Variants in KAZN observed in about 807,000 individuals in gnomAD.
KAZN encodes kazrin.
In KAZN, 40 loss-of-function variants were observed where a neutral mutation model predicts 87.4. The ratio of observed to expected loss-of-function variants is 0.46; its 90% CI spans 0.36 to 0.60. The LOEUF (loss-of-function observed/expected upper bound fraction) is 0.60, where lower values mean the gene tolerates loss of function less well. KAZN is among the 20% of genes least tolerant of loss of function. The pLI, the probability that KAZN is intolerant of heterozygous loss-of-function variation, is 0.00. For missense variants in KAZN, 898 were observed against 1,073.9 expected (o/e 0.84, Z 2.29); for synonymous variants, 466 against 458.3 (o/e 1.02, Z -0.22).
chr1:14,710,198 C>T (rs10803304), intron 1 of KAZN, among the ~76,000 whole-genome samples: 58,234 of 151,966 alleles, frequency 0.38, 11,994 homozygotes, highest in South Asian at 0.53. Context: ...AAAGGCTGGT[C>T]TCTGAGAGCA....
intron 1 of KAZN, among the ~76,000 whole-genome samples, chr1:14,618,788 A>G (rs1306245831): frequency 6.6e-6 from 1 of 152,216 alleles, no homozygotes; most frequent in African/African-American, 2.4e-5. Flanking sequence ...TGACAAGTAC[A>G]GTGATAGTAG....
chr1:15,018,394 C>T (rs1670337796), intron 2 of KAZN, among the ~76,000 whole-genome samples: 1 of 152,014 alleles, frequency 6.6e-6, no homozygotes, highest in Admixed American at 6.6e-5. Context: ...AGCTCCAGGG[C>T]CCTGGCTGGG....
intron 1 of KAZN, among the ~76,000 whole-genome samples, chr1:14,632,040 G>A (rs1236280097): frequency 2.0e-5 from 3 of 152,188 alleles, no homozygotes; most frequent in Non-Finnish European, 4.4e-5. Context: ...AAACTGCTAA[G>A]TTTTTAAAAA....
At chr1:14,242,415 C>A (rs140030437) in intron 2 of KAZN, among the ~76,000 whole-genome samples, 8 of 152,120 alleles carry the variant, frequency 5.3e-5, no homozygotes, top group African/African-American at 1.7e-4. Flanking sequence ...GACCTTCCAG[C>A]AAATGTGCTC....
intron 2 of KAZN, among the ~76,000 whole-genome samples, chr1:14,226,156 A>G (rs1297952551): frequency 6.6e-6 from 1 of 152,232 alleles, no homozygotes; most frequent in Non-Finnish European, 1.5e-5. Flanking sequence ...CAAACTATGC[A>G]TCTGACGAAG....
intron 1 of KAZN, among the ~76,000 whole-genome samples, chr1:14,174,231 C>T (rs577488374): frequency 3.9e-5 from 6 of 152,174 alleles, no homozygotes; most frequent in African/African-American, 7.2e-5. Flanking sequence ...ATGCTTTGAC[C>T]GGCTGGCAAG....
At chr1:14,367,792 G>A (rs184135427) in intron 2 of KAZN, among the ~76,000 whole-genome samples, 1 of 152,228 alleles carries the variant, frequency 6.6e-6, no homozygotes, top group African/African-American at 2.4e-5. Flanking sequence ...GGGAGTCCAG[G>A]GAGACTCCTG....
At chr1:14,498,765 G>A (rs541347803) in intron 2 of KAZN, among the ~76,000 whole-genome samples, 3 of 152,110 alleles carry the variant, frequency 2.0e-5, no homozygotes, top group African/African-American at 7.2e-5. Context: ...AGGAGTCTGG[G>A]TACTTATTCT....
At chr1:14,660,466 T>C (rs933733172) in intron 1 of KAZN, among the ~76,000 whole-genome samples, 1 of 151,916 alleles carries the variant, frequency 6.6e-6, no homozygotes, top group Admixed American at 6.6e-5. Flanking sequence ...TCATCACAGA[T>C]CTTTTGCACC....
At chr1:14,553,118 T>C (rs553050642) in intron 2 of KAZN, among the ~76,000 whole-genome samples, 25 of 152,276 alleles carry the variant, frequency 1.6e-4, no homozygotes, top group African/African-American at 6.0e-4. Flanking sequence ...CTCATGCCTG[T>C]AGTCCTAACA....
chr1:14,756,557 AT>A (rs762524162), intron 1 of KAZN, among the ~76,000 whole-genome samples: 6 of 152,192 alleles, frequency 3.9e-5, no homozygotes, highest in Non-Finnish European at 7.4e-5. Flanking sequence ...TTGATTTCTC[AT>A]TGAAATATCC....
intron 2 of KAZN, among the ~76,000 whole-genome samples, chr1:14,288,954 A>G (rs537101077): frequency 3.9e-5 from 6 of 152,340 alleles, no homozygotes; most frequent in Admixed American, 3.9e-4. Flanking sequence ...GTAGTCATTC[A>G]GGAGCAGGTT....
intron 1 of KAZN, among the ~76,000 whole-genome samples, chr1:14,911,213 C>G (rs911545080): frequency 6.6e-6 from 1 of 152,272 alleles, no homozygotes; most frequent in Non-Finnish European, 1.5e-5. Context: ...GTCAGGAAGC[C>G]TGAACCCTTG....
At chr1:14,018,957 A>G (rs1187397377) in intron 1 of KAZN, among the ~76,000 whole-genome samples, 1 of 152,142 alleles carries the variant, frequency 6.6e-6, no homozygotes, top group African/African-American at 2.4e-5. Flanking sequence ...CCATTATCAC[A>G]TGAGCCAAGG....
At chr1:14,816,306 T>G (rs1185814973) in intron 1 of KAZN, among the ~76,000 whole-genome samples, 3 of 152,170 alleles carry the variant, frequency 2.0e-5, no homozygotes, top group African/African-American at 4.8e-5. Context: ...GCTCCGAGTC[T>G]CACAAGGCTG....
intron 2 of KAZN, among the ~76,000 whole-genome samples, chr1:14,377,267 A>G (rs1291416222): frequency 6.6e-6 from 1 of 152,196 alleles, no homozygotes; most frequent in Non-Finnish European, 1.5e-5. Context: ...CTATCCATCA[A>G]TCGACCATTC....
intron 1 of KAZN, among the ~76,000 whole-genome samples, chr1:14,072,936 G>A (rs1028878119): frequency 1.3e-5 from 2 of 151,962 alleles, no homozygotes; most frequent in South Asian, 4.2e-4. Flanking sequence ...GTAGATTCTC[G>A]AGGCCATTTA....
intron 1 of KAZN, among the ~76,000 whole-genome samples, chr1:13,895,991 ATTT>A (rs34519972): frequency 6.7e-6 from 1 of 149,984 alleles, no homozygotes; most frequent in African/African-American, 2.4e-5. Context: ...AATTTTCATA[ATTT>A]TTTTTTTTAT....
intron 1 of KAZN, among the ~76,000 whole-genome samples, chr1:14,616,147 T>G (rs995397182): frequency 6.6e-6 from 1 of 152,140 alleles, no homozygotes; most frequent in African/African-American, 2.4e-5. Flanking sequence ...ACTTTGCAGT[T>G]GGAGAAACTG....
Sources: allele counts gnomAD v4.1 joint callset (sites outside exome capture counted in the v4.1 genomes callset), GRCh38; gene constraint gnomAD v4.1.1; transcripts MANE v1.5; gene names NCBI Gene and HGNC (gene_info 2026-07-23, HGNC 2026-07-21).